TESK2: variants seen among roughly 807,000 people sequenced by gnomAD.
TESK2 encodes the protein testis associated actin remodelling kinase 2.
In TESK2, 39 loss-of-function variants were observed where a neutral mutation model predicts 57.1. That is an observed-to-expected ratio of 0.68 (90% CI 0.53 to 0.89). The LOEUF (loss-of-function observed/expected upper bound fraction) is 0.89. TESK2 is among the 40% of genes least tolerant of loss of function. The pLI is 0.00. For missense variants in TESK2, 646 were observed against 732.1 expected (o/e 0.88, Z 1.36); for synonymous variants, 249 against 267.9 (o/e 0.93, Z 0.69).
intron 1 of TESK2, among the ~76,000 whole-genome samples, chr1:45,468,007 C>T (rs776788743): frequency 1.1e-4 from 17 of 151,834 alleles, no homozygotes; most frequent in Non-Finnish European, 2.2e-4. Flanking sequence ...AAATCCCCGT[C>T]TCTACAAAAA....
intron 2 of TESK2, among the ~76,000 whole-genome samples, chr1:45,448,201 G>A (rs1235467835): frequency 5.3e-5 from 7 of 132,976 alleles, no homozygotes; most frequent in African/African-American, 2.0e-4. Flanking sequence ...CCACACCACC[G>A]CACTCCAGCC....
At position 45,344,655 on chromosome 1, in the gene TESK2, A is replaced by C. The variant is rs1570628145; in HGVS notation, c.*185T>G. On this transcript the variant is annotated 3_prime_UTR_variant, in exon 11 of 11. Coordinates refer to ENST00000372086, the MANE Select transcript of TESK2 (RefSeq NM_007170.3). The stretch of plus-strand genomic sequence containing the variant: ...TATCAGCTGTTGGCCCTAACTAGGA[A>C]GGCCTCTCACTGCTGCCTCCCGTCA... The C allele has an allele frequency of 1.7e-6, 1 of 601,042 alleles. No homozygotes were observed. Among genetic ancestry groups the C allele is most frequent in the East Asian group, 2.8e-5 (1 of 35,398 alleles). The allele number at this position is 601,042 out of a possible 1,614,324, so 37.2% of individuals were successfully genotyped here.
chr1:45,417,375 GCATGCACCAC>G (rs1650286255), intron 3 of TESK2, among the ~76,000 whole-genome samples: 1 of 152,096 alleles, frequency 6.6e-6, no homozygotes, highest in Non-Finnish European at 1.5e-5. Flanking sequence ...GGGGTTACAG[GCATGCACCAC>G]CACACCCGGC....
chr1:45,458,092 C>T (rs896975952), intron 1 of TESK2, among the ~76,000 whole-genome samples: 1 of 152,184 alleles, frequency 6.6e-6, no homozygotes, highest in African/African-American at 2.4e-5. Flanking sequence ...TCACCAATTA[C>T]ATTCTAAGTA....
intron 4 of TESK2, among the ~76,000 whole-genome samples, chr1:45,359,319 G>A (rs1454406086): frequency 1.3e-5 from 2 of 152,168 alleles, no homozygotes; most frequent in African/African-American, 4.8e-5. Flanking sequence ...CAGCACTTTG[G>A]GAGGCCAAGG....
Position 45,380,894 on chromosome 1 carries a change from A to G in TESK2, c.393+5018T>C, listed in dbSNP as rs145272724. ...GTCAGAATTGAATTCTACAAATACT[A>G]TGCATGCTACACACATAAGATCTTG... On this transcript the variant is annotated intron_variant, in intron 4 of 10. Transcript: ENST00000372086. Among the ~76,000 whole-genome samples the G allele has an allele frequency of 5.9e-5, 9 of 152,360 alleles. No individual in the cohort carries two copies. The East Asian group carries it at 1.5e-3, about 26-fold the overall frequency.
chr1:45,351,196 G>T (rs938550994), intron 5 of TESK2, among the ~76,000 whole-genome samples: 3 of 152,204 alleles, frequency 2.0e-5, no homozygotes, highest in African/African-American at 4.8e-5. Flanking sequence ...GCCAAGGCTC[G>T]GGTATGTGTG....
chr1:45,405,745 C>A (rs1181675055), intron 3 of TESK2, among the ~76,000 whole-genome samples: 1 of 151,194 alleles, frequency 6.6e-6, no homozygotes, highest in African/African-American at 2.4e-5. Flanking sequence ...GTGGTGTATA[C>A]GTGTAGTCCC....
chr1:45,462,567 C>A (rs902668916), intron 1 of TESK2, among the ~76,000 whole-genome samples: 4 of 152,162 alleles, frequency 2.6e-5, no homozygotes, highest in Non-Finnish European at 5.9e-5. Flanking sequence ...CCACCGCGCC[C>A]GGCAGAGGAT....
At chr1:45,485,169 T>C (rs1226531434) in intron 1 of TESK2, among the ~76,000 whole-genome samples, 2 of 151,336 alleles carry the variant, frequency 1.3e-5, no homozygotes, top group Non-Finnish European at 2.9e-5. Context: ...GGAAGTAAGA[T>C]TTTTCACTGT....
chr1:45,467,431 G>A (rs1297420749), intron 1 of TESK2, among the ~76,000 whole-genome samples: 3 of 151,476 alleles, frequency 2.0e-5, no homozygotes, highest in African/African-American at 7.3e-5. Flanking sequence ...CACAACCTCC[G>A]CCTCCCAGGT....
chr1:45,407,945 C>A (rs1274854964), intron 3 of TESK2, among the ~76,000 whole-genome samples: 1 of 152,170 alleles, frequency 6.6e-6, no homozygotes, highest in Non-Finnish European at 1.5e-5. Flanking sequence ...TACATAAGTT[C>A]TTTCCTCACA....
intron 1 of TESK2, among the ~76,000 whole-genome samples, chr1:45,482,831 T>A (rs1195739472): frequency 1.3e-5 from 2 of 151,330 alleles, no homozygotes; most frequent in African/African-American, 2.4e-5. Flanking sequence ...TATACAAAAA[T>A]TAGCTGGGCG....
chr1:45,388,807 G>A lies in TESK2; in HGVS notation c.345-2847C>T, dbSNP rs1649014575. ...GCAATCTCGGCTCACTGCAAGCTCC[G>A]CCTCCCTGGTTCACGCCATTCTCCT... On this transcript the variant is annotated intron_variant, in intron 3 of 10. Coordinates refer to ENST00000372086, the MANE Select transcript of TESK2 (RefSeq NM_007170.3). Among the ~76,000 whole-genome samples the A allele has an allele frequency of 2.9e-5, 4 of 136,706 alleles. No individual in the cohort carries two copies. The East Asian group carries it at 7.3e-4, about 25-fold the overall frequency. The allele number at this position is 136,706 out of a possible 152,430, so 89.7% of individuals were successfully genotyped here.
intron 2 of TESK2, among the ~76,000 whole-genome samples, chr1:45,439,978 G>C (rs1030778422): frequency 7.2e-6 from 1 of 138,870 alleles, no homozygotes; most frequent in Non-Finnish European, 1.6e-5. Context: ...TTTTTTTTTT[G>C]AGACAGAGTA....
At chr1:45,450,968 C>T (rs72894353) in intron 2 of TESK2, among the ~76,000 whole-genome samples, 8,256 of 152,018 alleles carry the variant, frequency 0.054, 775 homozygotes, top group African/African-American at 0.19. Flanking sequence ...ACTGCCAAAC[C>T]AAGGTTTAAC....
chr1:45,357,631 G>A (rs1647491951), intron 4 of TESK2, among the ~76,000 whole-genome samples: 1 of 151,262 alleles, frequency 6.6e-6, no homozygotes, highest in Non-Finnish European at 1.5e-5. Flanking sequence ...AGGATCACTT[G>A]AGGTCAGGAG....
chr1:45,421,423 T>C (rs914353488), intron 3 of TESK2, among the ~76,000 whole-genome samples: 6 of 152,072 alleles, frequency 3.9e-5, no homozygotes, highest in African/African-American at 1.4e-4. Context: ...AAGACCAATC[T>C]CTCCTCTTTG....
chr1:45,424,727 C>T (rs781232), intron 2 of TESK2, among the ~76,000 whole-genome samples: 100,019 of 152,036 alleles, frequency 0.66, 34,392 homozygotes, highest in Non-Finnish European at 0.76. Flanking sequence ...CCTGACCAAC[C>T]GGGATTTATC....
Sources: allele counts gnomAD v4.1 joint callset (sites outside exome capture counted in the v4.1 genomes callset), GRCh38; gene constraint gnomAD v4.1.1; transcripts MANE v1.5; gene names NCBI Gene and HGNC (gene_info 2026-07-23, HGNC 2026-07-21).